IL7: variants seen among roughly 807,000 people sequenced by gnomAD.
IL7 encodes interleukin 7.
Under a neutral mutation model 21.6 loss-of-function variants are expected in IL7, and 3 were observed. The ratio of observed to expected loss-of-function variants is 0.14; its 90% CI spans 0.06 to 0.36. IL7 has a LOEUF of 0.36. Among genes scored for constraint, IL7 ranks in the 10% least tolerant of loss-of-function variants. IL7 has a pLI of 1.00. For missense variants in IL7, 175 were observed against 200.2 expected (o/e 0.87, Z 0.76); for synonymous variants, 62 against 68.1 (o/e 0.91, Z 0.44).
At chr8:78,777,671 A>T (rs1005909158) in intron 2 of IL7, among the ~76,000 whole-genome samples, 1 of 152,040 alleles carries the variant, frequency 6.6e-6, no homozygotes, top group Non-Finnish European at 1.5e-5. Flanking sequence ...ATACTCCCAA[A>T]CTTTCAGAGG....
chr8:78,726,236 T>G (rs1439056280), intron 3 of IL7, among the ~76,000 whole-genome samples: 1 of 152,020 alleles, frequency 6.6e-6, no homozygotes, highest in Non-Finnish European at 1.5e-5. Flanking sequence ...ACTTGTTTCT[T>G]GGATTATTTT....
chr8:78,707,842 T>C (rs1810823776), intron 3 of IL7, among the ~76,000 whole-genome samples: 2 of 118,490 alleles, frequency 1.7e-5, no homozygotes, highest in Non-Finnish European at 3.5e-5. Context: ...ACAGAGTTCC[T>C]TCCTTTTTTT....
In IL7 at chr8:78,757,744, G is replaced by A. The variant is rs1812398517; in HGVS notation, c.148-17662C>T. Among the ~76,000 whole-genome samples, 3 of 151,984 alleles carry A rather than the reference G, an allele frequency of 2.0e-5. No homozygotes were observed. In the South Asian group the frequency reaches 6.2e-4, roughly 32 times the overall value. ...TTGGCTTTCATATGCATGGGATATGGTTTCCGTCACTTCACTTTCAGTCTA... is the reference window on the plus strand; with the variant it reads ...TTGGCTTTCATATGCATGGGATATGATTTCCGTCACTTCACTTTCAGTCTA... On this transcript the variant is annotated intron_variant, in intron 2 of 5. Transcript: ENST00000263851.
chr8:78,733,286 T>G lies in IL7; in HGVS notation c.*427A>C, dbSNP rs2130656334. ...AGAAGAAGACAATTTTCACTCTTAA[T>G]ACAGTATAATAGATTCATAGTGAGC... On this transcript the variant is annotated 3_prime_UTR_variant, in exon 6 of 6. Transcript: ENST00000263851. 6.3e-6 allele frequency: 1 copy of G among 159,146 alleles called. No individual in the cohort carries two copies. Among genetic ancestry groups the G allele is most frequent in the South Asian group, 1.9e-4 (1 of 5,392 alleles). 9.9% of individuals were successfully genotyped at this position (159,146 alleles called of 1,614,324 possible).
At chr8:78,779,767 G>A (rs1813259847) in intron 2 of IL7, among the ~76,000 whole-genome samples, 1 of 152,094 alleles carries the variant, frequency 6.6e-6, no homozygotes, top group Non-Finnish European at 1.5e-5. Flanking sequence ...GAGTTAGTGA[G>A]GAGTCCCTCC....
Position 78,740,024 on chromosome 8 carries a change from CT to C in IL7, c.205del (p.Arg69AspfsTer20). 1 of 1,540,418 alleles carries C rather than the reference CT, an allele frequency of 6.5e-7. No homozygotes were observed. Among genetic ancestry groups the C allele is most frequent in the Non-Finnish European group, 8.7e-7 (1 of 1,149,094 alleles). Reference sequence around the variant, plus strand: ...TACCTTATTAGCATCACAGATATGTCTTTTAAAAAAGTTAAATTCATTATTC... The same window carrying C: ...TACCTTATTAGCATCACAGATATGTCTTTAAAAAAGTTAAATTCATTATTC... ...CLNNEFNFFK[R>X]HICDANKEGM... On this transcript the variant is annotated frameshift_variant, in exon 3 of 6. Transcript: ENST00000263851. LOFTEE classifies it high-confidence loss of function.
chr8:78,728,519 AG>A (rs1811371555), downstream of IL7, among the ~76,000 whole-genome samples: 5 of 152,086 alleles, frequency 3.3e-5, no homozygotes, highest in Admixed American at 3.3e-4. Flanking sequence ...AATTCATTTG[AG>A]AAAGTAGTCT....
At chr8:78,760,165 A>G (rs1004132151) in intron 2 of IL7, 1 of 1,521,978 alleles carries the variant, frequency 6.6e-7, no homozygotes, top group Non-Finnish European at 8.8e-7. Context: ...ACAGTTTCGG[A>G]ATTATCTGTA....
chr8:78,793,567 T>C (rs1813763503), intron 2 of IL7, among the ~76,000 whole-genome samples: 1 of 152,182 alleles, frequency 6.6e-6, no homozygotes, highest in Admixed American at 6.5e-5. Context: ...ATCTGAGCCT[T>C]CAGGGTGTTG....
intron 3 of IL7, among the ~76,000 whole-genome samples, chr8:78,708,900 A>G (rs1265222964): frequency 2.6e-5 from 4 of 152,086 alleles, no homozygotes; most frequent in Admixed American, 2.6e-4. Flanking sequence ...TTCCGACCTC[A>G]AGTGATCCAT....
At chr8:78,725,418 T>G (rs1811323390) in intron 3 of IL7, among the ~76,000 whole-genome samples, 1 of 150,162 alleles carries the variant, frequency 6.7e-6, no homozygotes, top group South Asian at 2.2e-4. Flanking sequence ...TGATTATAAC[T>G]TGGGCATTGT....
At chr8:78,761,183 C>T in intron 2 of IL7, 1 of 1,592,764 alleles carries the variant, frequency 6.3e-7, no homozygotes, top group Non-Finnish European at 8.5e-7. Context: ...TTCTTTACCC[C>T]TTTCTTTACT....
intron 2 of IL7, among the ~76,000 whole-genome samples, chr8:78,741,207 A>G (rs1811767594): frequency 6.6e-6 from 1 of 152,196 alleles, no homozygotes; most frequent in Non-Finnish European, 1.5e-5. Flanking sequence ...CTGATTTTAA[A>G]ATGTATATAC....
chr8:78,682,796 C>A (rs1809831945), intron 4 of IL7, among the ~76,000 whole-genome samples: 1 of 152,210 alleles, frequency 6.6e-6, no homozygotes, highest in South Asian at 2.1e-4. Flanking sequence ...AGGCAAGTTT[C>A]TTCTGCCTGT....
At chr8:78,718,907 C>T (rs1811184445) in intron 6 of IL7, 1 of 151,292 alleles carries the variant, frequency 6.6e-6, no homozygotes, top group Non-Finnish European at 1.5e-5. Context: ...AACTATAAGA[C>T]ACAATGTAAA....
chr8:78,701,192 T>G (rs62518984), intron 3 of IL7, among the ~76,000 whole-genome samples: 7,777 of 152,294 alleles, frequency 0.051, 278 homozygotes, highest in Middle Eastern at 0.082. Flanking sequence ...TAGTCCTCCT[T>G]GTATAGATCT....
At chr8:78,788,854 G>A (rs527277410) in intron 2 of IL7, among the ~76,000 whole-genome samples, 1 of 152,276 alleles carries the variant, frequency 6.6e-6, no homozygotes, top group Admixed American at 6.5e-5. Flanking sequence ...ATAGATACAT[G>A]TATTTCTTGC....
At chr8:78,734,562 A>C (rs1299879474) in intron 5 of IL7, among the ~76,000 whole-genome samples, 2 of 152,178 alleles carry the variant, frequency 1.3e-5, no homozygotes, top group Non-Finnish European at 2.9e-5. Context: ...CCCTTCCTAG[A>C]CCAGGAGGTG....
At chr8:78,765,865 C>T (rs149759353) in intron 2 of IL7, among the ~76,000 whole-genome samples, 188 of 152,204 alleles carry the variant, frequency 1.2e-3, no homozygotes, top group Middle Eastern at 6.8e-3. Context: ...CACACAAAAC[C>T]CCCATGTGAA....
Sources: allele counts gnomAD v4.1 joint callset (sites outside exome capture counted in the v4.1 genomes callset), GRCh38; gene constraint gnomAD v4.1.1; transcripts MANE v1.5; gene names NCBI Gene and HGNC (gene_info 2026-07-23, HGNC 2026-07-21).